Variants in FAM171A1 observed in about 807,000 individuals in gnomAD.
The protein encoded by FAM171A1 is protein FAM171A1.
Under a neutral mutation model 74.9 loss-of-function variants are expected in FAM171A1, and 23 were observed. That is an observed-to-expected ratio of 0.31 (90% CI 0.22 to 0.44). The LOEUF (loss-of-function observed/expected upper bound fraction) is 0.44. Among genes scored for constraint, FAM171A1 ranks in the 20% least tolerant of loss-of-function variants. FAM171A1 has a pLI of 1.00. For synonymous variants in FAM171A1, 527 were observed against 505.7 expected (o/e 1.04, Z -0.57); for missense variants, 1,162 against 1,159.2 (o/e 1.00, Z -0.03).
intron 1 of FAM171A1, among the ~76,000 whole-genome samples, chr10:15,284,418 G>A (rs559718054): frequency 3.3e-4 from 4 of 12,094 alleles, no homozygotes; most frequent in Admixed American, 8.2e-4. Flanking sequence ...GCAATACTTC[G>A]TGTGTGTGTG....
rs766573146 is a variant in FAM171A1 at position 15,214,023 on chromosome 10, G to A, written c.1565C>T (p.Ala522Val). ...KLTIQEHLYP[A>V]PSSPEKEQLL... is the part of the protein sequence containing the mutation. ...CTGTTCTTTCTCAGGTGATGAAGGC[G>A]CGGGGTACAGATGTTCCTGAATGGT... Residue 522 changes from alanine to valine, a missense_variant, in exon 8 of 8, where the codon GCG becomes GTG. Physicochemically the swap from Ala to Val is moderately conservative, Grantham distance 64. Coordinates refer to ENST00000378116, the MANE Select transcript of FAM171A1 (RefSeq NM_001010924.2). 2.0e-5 allele frequency: 33 copies of A among 1,614,074 alleles called. No individual in the cohort carries two copies. The South Asian group carries it at 3.1e-4, about 15-fold the overall frequency.
chr10:15,260,303 A>T (rs1834639333), intron 3 of FAM171A1, among the ~76,000 whole-genome samples: 1 of 152,192 alleles, frequency 6.6e-6, no homozygotes, highest in African/African-American at 2.4e-5. Context: ...GTCCTGTATC[A>T]TAATTATTTG....
intron 1 of FAM171A1, among the ~76,000 whole-genome samples, chr10:15,296,537 C>T (rs78802386): frequency 2.9e-3 from 446 of 152,230 alleles, no homozygotes; most frequent in Non-Finnish European, 5.5e-3. Context: ...TCCGCAAAGA[C>T]CAAGACTACT....
intron 5 of FAM171A1, among the ~76,000 whole-genome samples, chr10:15,232,432 C>T (rs1307411683): frequency 6.6e-6 from 1 of 152,176 alleles, no homozygotes; most frequent in African/African-American, 2.4e-5. Flanking sequence ...GGCCCTTCCC[C>T]AGCTTGTTTC....
At chr10:15,215,054 C>T (rs1833950619) in intron 7 of FAM171A1, among the ~76,000 whole-genome samples, 1 of 152,018 alleles carries the variant, frequency 6.6e-6, no homozygotes, top group African/African-American at 2.4e-5. Context: ...GGCCCTTATC[C>T]TTATTTTATC....
chr10:15,268,447 G>T (rs1037746647), intron 3 of FAM171A1, among the ~76,000 whole-genome samples: 1 of 152,090 alleles, frequency 6.6e-6, no homozygotes, highest in South Asian at 2.1e-4. Context: ...ACAATTCCTC[G>T]AGTTTTGGCC....
intron 1 of FAM171A1, among the ~76,000 whole-genome samples, chr10:15,315,364 T>A (rs541141534): frequency 6.6e-6 from 1 of 152,230 alleles, no homozygotes; most frequent in East Asian, 1.9e-4. Context: ...GTACTTTGAG[T>A]GTTAGTTGTG....
chr10:15,370,906 G>T, intron 1 of FAM171A1, 50 bp downstream of exon 1: 2 of 905,466 alleles, frequency 2.2e-6, no homozygotes, highest in Non-Finnish European at 2.6e-6. Flanking sequence ...CCGCCTCCGC[G>T]CCAGGCCCGG....
intron 1 of FAM171A1, among the ~76,000 whole-genome samples, chr10:15,331,128 G>A (rs1835625786): frequency 1.3e-5 from 2 of 152,058 alleles, no homozygotes; most frequent in African/African-American, 4.8e-5. Flanking sequence ...GACCTCAAGT[G>A]ATCCACTGCC....
intron 1 of FAM171A1, among the ~76,000 whole-genome samples, chr10:15,335,283 A>C (rs545767843): frequency 4.6e-5 from 7 of 152,224 alleles, no homozygotes; most frequent in East Asian, 3.9e-4. Context: ...AAACAAACCC[A>C]AAAAAATTCA....
upstream of FAM171A1, among the ~76,000 whole-genome samples, chr10:15,372,950 C>T (rs1171101235): frequency 6.6e-6 from 1 of 152,092 alleles, no homozygotes; most frequent in Non-Finnish European, 1.5e-5. Context: ...GGAAAATCCA[C>T]TCCAGACCCA....
At chr10:15,272,128 A>G (rs1353564797) in intron 3 of FAM171A1, among the ~76,000 whole-genome samples, 3 of 152,220 alleles carry the variant, frequency 2.0e-5, no homozygotes, top group Non-Finnish European at 2.9e-5. Flanking sequence ...AGTGTGCTGT[A>G]TTCAGGAGAC....
rs1834988754 is a variant in FAM171A1, at chr10:15,282,936, A to C, written c.325+942T>G. 2.6e-5 allele frequency among the ~76,000 whole-genome samples: 4 copies of C among 152,200 alleles called. No homozygotes were observed. The South Asian group carries it at 8.3e-4, about 32-fold the overall frequency. On this transcript the variant is annotated intron_variant, in intron 2 of 7. Coordinates refer to ENST00000378116, the MANE Select transcript of FAM171A1 (RefSeq NM_001010924.2). Reference sequence around the variant, plus strand: ...TTAACACTGCTGATAAGCCAAACTAAACCTCTAGCCCAGATCTCTCTCTTG... The same window carrying C: ...TTAACACTGCTGATAAGCCAAACTACACCTCTAGCCCAGATCTCTCTCTTG...
intron 5 of FAM171A1, among the ~76,000 whole-genome samples, chr10:15,233,412 C>T (rs898962473): frequency 3.3e-5 from 5 of 152,060 alleles, no homozygotes; most frequent in East Asian, 3.8e-4. Context: ...CTGGAAATGG[C>T]TGGGCTGCCA....
intron 2 of FAM171A1, among the ~76,000 whole-genome samples, chr10:15,283,529 A>G (rs1314424415): frequency 6.6e-6 from 1 of 152,138 alleles, no homozygotes; most frequent in African/African-American, 2.4e-5. Flanking sequence ...TAAAATGCAA[A>G]TTCCCCTCCC....
intron 1 of FAM171A1, among the ~76,000 whole-genome samples, chr10:15,305,132 T>C (rs920236382): frequency 1.3e-5 from 2 of 152,214 alleles, no homozygotes; most frequent in Non-Finnish European, 1.5e-5. Context: ...AAATAGTAGA[T>C]GACTCAAGGT....
intron 1 of FAM171A1, among the ~76,000 whole-genome samples, chr10:15,296,781 G>A (rs1330970436): frequency 1.3e-5 from 2 of 152,212 alleles, no homozygotes; most frequent in African/African-American, 4.8e-5. Context: ...TTCAGTGGAA[G>A]TTTACAGTCT....
At chr10:15,323,137 CAAAA>C (rs71287331) in intron 1 of FAM171A1, among the ~76,000 whole-genome samples, 1 of 109,310 alleles carries the variant, frequency 9.1e-6, no homozygotes. Flanking sequence ...AAGACTGTCT[CAAAA>C]AAAAAAAAAA....
intron 5 of FAM171A1, among the ~76,000 whole-genome samples, chr10:15,224,971 T>C (rs960194822): frequency 2.0e-5 from 3 of 152,218 alleles, no homozygotes; most frequent in Admixed American, 6.5e-5. Context: ...CTACCCAGTC[T>C]TTCAAGATTC....
Sources: allele counts gnomAD v4.1 joint callset (sites outside exome capture counted in the v4.1 genomes callset), GRCh38; gene constraint gnomAD v4.1.1; transcripts MANE v1.5; gene names NCBI Gene and HGNC (gene_info 2026-07-23, HGNC 2026-07-21).